Variants in ATP8B3 observed in about 807,000 individuals in gnomAD.
ATP8B3 encodes ATPase phospholipid transporting 8B3.
In ATP8B3, 141 loss-of-function variants were observed where a neutral mutation model predicts 140.9. That is an observed-to-expected ratio of 1.00 (90% CI 0.87 to 1.15). The LOEUF (loss-of-function observed/expected upper bound fraction) is 1.15, where lower values mean the gene tolerates loss of function less well. Among genes scored for constraint, ATP8B3 ranks in the 50% most tolerant of loss-of-function variants. The pLI is 0.00. For missense variants in ATP8B3, 1,874 were observed against 1,740.6 expected, an observed-to-expected ratio of 1.08 and a Z score of -1.36; for synonymous variants, 765 against 714.6, an observed-to-expected ratio of 1.07 and a Z score of -1.13.
rs529080704 is a variant in ATP8B3, at chr19:1,804,801, C to T, written c.904+573G>A. ...AGCCTGGGAGACAAGAGCGAAACTC[C>T]GTCTCAAAAAAAGAAAAAGAAAAAG... On this transcript the variant is annotated intron_variant, in intron 10 of 28. Coordinates refer to ENST00000310127, the MANE Select transcript of ATP8B3 (RefSeq NM_138813.4). Among the ~76,000 whole-genome samples, 39 of 152,138 alleles carry T rather than the reference C, an allele frequency of 2.6e-4. 1 individual carries two copies. In the East Asian group the frequency reaches 2.7e-3, roughly 11 times the overall value.
chr19:1,802,407 A>AT, intron 11 of ATP8B3, 80 bp downstream of exon 11: 10 of 318,102 alleles, frequency 3.1e-5, no homozygotes, highest in Admixed American at 8.5e-5. Context: ...CCACCCACCT[A>AT]CCCACCCACC....
Position 1,789,397 on chromosome 19 carries a change from T to C in ATP8B3, c.2809A>G (p.Ile937Val). The C allele has an allele frequency of 1.3e-6, 2 of 1,588,630 alleles. No individual in the cohort carries two copies. The highest frequency in any genetic ancestry group is 1.7e-6 in the Non-Finnish European group (2 of 1,171,378). ...TTGATGTCGTTGGCACCGTCCCCGA[T>C]GGCCAGGGTCACCACCTGGTGGTAC... is the stretch of plus-strand genomic sequence containing the variant. ...KKYHQVVTLA[I>V]GDGANDINMI... is the part of the protein sequence containing the mutation. Residue 937 changes from isoleucine (I) to valine (V), a missense_variant, in exon 23 of 29, where the codon ATC (isoleucine) becomes GTC (valine). Transcript: ENST00000310127.
rs1272334201 is a variant in ATP8B3, at chr19:1,806,376, C to T, written c.678-207G>A. ...AGTGACCTCCAGGGTCCTGCACCCACGTCCTCTTCAGACTTTCCTTGTCCT... is the reference window on the plus strand; with the variant it reads ...AGTGACCTCCAGGGTCCTGCACCCATGTCCTCTTCAGACTTTCCTTGTCCT... On this transcript the variant is annotated intron_variant, in intron 7 of 28. Coordinates refer to ENST00000310127, the MANE Select transcript of ATP8B3 (RefSeq NM_138813.4). The surrounding 1 kb of genome is among the most constrained non-coding windows in gnomAD (Gnocchi z 5.6). 4.8e-6 allele frequency: 7 copies of T among 1,445,916 alleles called. No homozygotes were observed. Among genetic ancestry groups the T allele is most frequent in the African/African-American group, 2.9e-5 (2 of 69,912 alleles). The allele number at this position is 1,445,916 out of a possible 1,614,324, so 89.6% of individuals were successfully genotyped here.
At chr19:1,799,850 T>C in intron 14 of ATP8B3, 97 bp downstream of exon 14, 1 of 1,235,272 alleles carries the variant, frequency 8.1e-7, no homozygotes. Flanking sequence ...CGGGCGGAGG[T>C]GCTGGGCATG....
chr19:1,796,058 C>CT lies in ATP8B3; in HGVS notation c.1942+18dup. On this transcript the variant is annotated intron_variant, in intron 17 of 28. Coordinates refer to ENST00000310127, the MANE Select transcript of ATP8B3 (RefSeq NM_138813.4). ...CCGCCCCACCTTGGGGGGCCCAGGG[C>CT]TTGGGTGGCGGGGCTCACCCAGCAC... 1 of 1,612,198 alleles carries CT rather than the reference C, an allele frequency of 6.2e-7. No individual in the cohort carries two copies. The highest frequency in any genetic ancestry group is 8.5e-7 in the Non-Finnish European group (1 of 1,179,272).
chr19:1,798,594 CG>C lies in ATP8B3; in HGVS notation c.1552+1352del, dbSNP rs2068751201. Among the ~76,000 whole-genome samples the C allele has an allele frequency of 3.3e-5, 5 of 151,588 alleles. No individual in the cohort carries two copies. The South Asian group carries it at 1.0e-3, about 32-fold the overall frequency. ...TCTATTAAAAATACAAAAAATTAGCCGGGCGTGGTGGCGGGCGCCTGTAGTC... is the reference window on the plus strand; with the variant it reads ...TCTATTAAAAATACAAAAAATTAGCCGGCGTGGTGGCGGGCGCCTGTAGTC... On this transcript the variant is annotated intron_variant, in intron 14 of 28. Transcript: ENST00000310127.
intron 27 of ATP8B3, 55 bp downstream of exon 27, chr19:1,785,104 C>T: frequency 2.7e-6 from 4 of 1,490,788 alleles, no homozygotes; most frequent in Non-Finnish European, 3.6e-6. Flanking sequence ...CAACCTCTTC[C>T]ATCGGGGCTC....
chr19:1,810,002 C>T (rs551392921), intron 3 of ATP8B3, among the ~76,000 whole-genome samples: 2 of 152,326 alleles, frequency 1.3e-5, no homozygotes, highest in African/African-American at 4.8e-5. Flanking sequence ...GAGAACAGGC[C>T]CTGGGAGACC....
chr19:1,808,332 T>C lies in ATP8B3; in HGVS notation c.406A>G (p.Asn136Asp). 6.2e-7 allele frequency: 1 copy of C among 1,611,208 alleles called. No homozygotes were observed. The highest frequency in any genetic ancestry group is 8.5e-7 in the Non-Finnish European group (1 of 1,178,596). ...TTGTACTTGGCCGTGCGGATGACATTGGTCTGGAACGAGAGCCGCGGGCTG... is the reference window on the plus strand; with the variant it reads ...TTGTACTTGGCCGTGCGGATGACATCGGTCTGGAACGAGAGCCGCGGGCTG... ...LCWQRKKYKT[N>D]VIRTAKYNFY... is the part of the protein sequence containing the mutation. Residue 136 changes from asparagine (N) to aspartate (D), a missense_variant, in exon 5 of 29, where the codon AAT (asparagine) becomes GAT (aspartate). Around this residue, in one of 3 missense-constraint regions of ATP8B3, gnomAD observed 1,032 missense variants for 963.6 expected, o/e 1.07. Transcript: ENST00000310127.
In ATP8B3 at chr19:1,811,827, CTG is replaced by C; in HGVS notation, c.-93_-92del. Reference sequence around the variant, plus strand: ...TGGGGGAGACCCCCGTGGGGGCAGACTGGGGATTGGAGAGTTGGAGAGAATGC... The same window carrying C: ...TGGGGGAGACCCCCGTGGGGGCAGACGGGATTGGAGAGTTGGAGAGAATGC... On this transcript the variant is annotated 5_prime_UTR_variant, in exon 2 of 29. Coordinates refer to ENST00000310127, the MANE Select transcript of ATP8B3 (RefSeq NM_138813.4). The C allele has an allele frequency of 7.3e-7, 1 of 1,366,822 alleles. No homozygotes were observed. Among genetic ancestry groups the C allele is most frequent in the Non-Finnish European group, 9.8e-7 (1 of 1,024,714 alleles). The allele number at this position is 1,366,822 out of a possible 1,614,324, so 84.7% of individuals were successfully genotyped here. A position where few individuals can be genotyped will look rare whatever the true frequency, so the allele number is the denominator to read the frequency against.
intron 28 of ATP8B3, among the ~76,000 whole-genome samples, chr19:1,784,228 G>A (rs558137967): frequency 2.0e-5 from 3 of 152,302 alleles, no homozygotes; most frequent in East Asian, 1.9e-4. Context: ...ATCTGATGGT[G>A]TCAGCCAGGC....
At chr19:1,809,826 G>T in intron 3 of ATP8B3, 92 bp from the exon 4 acceptor site, 1 of 1,230,698 alleles carries the variant, frequency 8.1e-7, no homozygotes, top group Non-Finnish European at 1.2e-6. Flanking sequence ...GGGCCCGTGG[G>T]ACCCAGGCAC....
chr19:1,811,892 C>T lies in ATP8B3; in HGVS notation c.-148-8G>A, dbSNP rs918580107. 2.3e-5 allele frequency: 19 copies of T among 817,138 alleles called. No individual in the cohort carries two copies. The highest frequency in any genetic ancestry group is 3.5e-5 in the Non-Finnish European group (19 of 542,518). The allele number at this position is 817,138 out of a possible 1,614,324, so 50.6% of individuals were successfully genotyped here. ...AATCCACTCGAAGTGTATCTGGGGG[C>T]AGAAAGAGACACGGACACAGCGCTG... is the stretch of plus-strand genomic sequence containing the variant. On this transcript the variant is annotated splice_region_variant and splice_polypyrimidine_tract_variant and intron_variant, in intron 1 of 28. Coordinates refer to ENST00000310127, the MANE Select transcript of ATP8B3 (RefSeq NM_138813.4).
chr19:1,796,364 T>C, intron 16 of ATP8B3, 99 bp from the exon 17 acceptor site: 4 of 1,185,702 alleles, frequency 3.4e-6, no homozygotes, highest in Middle Eastern at 2.9e-4. Context: ...TACACCTTTA[T>C]TGATGGTGGC....
At position 1,800,315 on chromosome 19, in the gene ATP8B3, G is replaced by GAC. The variant is rs1314219487; in HGVS notation, c.1285_1286dup (p.Phe430SerfsTer77). The GAC allele has an allele frequency of 1.2e-6, 2 of 1,612,980 alleles. No individual in the cohort carries two copies. The highest frequency in any genetic ancestry group is 4.5e-5 in the East Asian group (2 of 44,870). On this transcript the variant is annotated frameshift_variant, in exon 13 of 29. Coordinates refer to ENST00000310127, the MANE Select transcript of ATP8B3 (RefSeq NM_138813.4). LOFTEE classifies it high-confidence loss of function. The surrounding 1 kb of genome is among the most constrained non-coding windows in gnomAD (Gnocchi z 4.4). ...TGAGCAGGATGAGGAAGCTCCAGAA[G>GAC]ACGAAGAAGGACTCTGCGGCCACGC...
In ATP8B3 at chr19:1,796,563, C is replaced by T. The variant is rs1034675770; in HGVS notation, c.1753+148G>A. On this transcript the variant is annotated intron_variant, in intron 16 of 28. Transcript: ENST00000310127. Reference sequence around the variant, plus strand: ...TCTGGGCTCCAGGCCCGGACGCCCTCGAGGTGCGGCTGGTGTCACACCGGC... The same window carrying T: ...TCTGGGCTCCAGGCCCGGACGCCCTTGAGGTGCGGCTGGTGTCACACCGGC... 1.3e-5 allele frequency: 14 copies of T among 1,085,632 alleles called. No individual in the cohort carries two copies. The East Asian group carries it at 1.8e-4, about 14-fold the overall frequency. The allele number at this position is 1,085,632 out of a possible 1,614,324, so 67.2% of individuals were successfully genotyped here.
rs1193228615 is a variant in ATP8B3 at position 1,789,012 on chromosome 19, T to C, written c.2954A>G (p.His985Arg). 6 of 1,610,014 alleles carry C rather than the reference T, an allele frequency of 3.7e-6. No homozygotes were observed. Among genetic ancestry groups the C allele is most frequent in the Non-Finnish European group, 5.1e-6 (6 of 1,178,778 alleles). ...GATCCGCACGTAGGACCAGCGGCCG[T>C]GCACCAGCAGGAGGCGCTGCAGGAA... ...FCFLQRLLLV[H>R]GRWSYVRICK... is the part of the protein sequence containing the mutation. The change falls in exon 24 of 29, where the codon CAC becomes CGC. Residue 985 changes from histidine (H) to arginine (R), a missense_variant. His to Arg is a conservative substitution (Grantham distance 29, BLOSUM62 0). Around this residue, in one of 3 missense-constraint regions of ATP8B3, gnomAD observed 840 missense variants for 760.9 expected, o/e 1.10. Coordinates refer to ENST00000310127, the MANE Select transcript of ATP8B3 (RefSeq NM_138813.4).
At chr19:1,802,679 G>C (rs781659981) in intron 10 of ATP8B3, 34 bp from the exon 11 acceptor site, 2 of 1,590,604 alleles carry the variant, frequency 1.3e-6, no homozygotes, top group Admixed American at 1.8e-5. Flanking sequence ...GGGTCAGTGG[G>C]CTCAGGCCCT....
At chr19:1,810,592 T>C (rs1402190202) in intron 3 of ATP8B3, 30 bp downstream of exon 3, 2 of 1,606,810 alleles carry the variant, frequency 1.2e-6, no homozygotes, top group Admixed American at 1.7e-5. Context: ...CCCTCCCACC[T>C]GCACCGCCCC....
Sources: gnomAD v4.1 joint callset for allele counts (sites outside exome capture counted in the v4.1 genomes callset) on GRCh38, gnomAD v4.1.1 for gene constraint, gnomAD v4.1.1 regional missense constraint, Gnocchi (gnomAD v3.1) non-coding constraint, MANE v1.5 for transcripts, NCBI Gene and HGNC (gene_info 2026-07-23, HGNC 2026-07-21) for gene names.